The following PEX7 variants were observed in gnomAD, a reference collection of about 807,000 sequenced individuals.
PEX7 encodes peroxisomal biogenesis factor 7, also known as PTS2 receptor.
In PEX7, 34 loss-of-function variants were observed where a neutral mutation model predicts 47.5. The ratio of observed to expected loss-of-function variants is 0.72; its 90% CI spans 0.54 to 0.95. The LOEUF (loss-of-function observed/expected upper bound fraction) is 0.95, where lower values mean the gene tolerates loss of function less well. Ranked by LOEUF, PEX7 falls within the 40% of genes least tolerant of loss-of-function variation. The pLI is 0.00. For missense variants in PEX7, 394 were observed against 400.3 expected (o/e 0.98, Z 0.13); for synonymous variants, 141 against 148.8 (o/e 0.95, Z 0.38).
intron 8 of PEX7, among the ~76,000 whole-genome samples, chr6:136,883,430 A>G (rs1004909921): frequency 5.9e-5 from 9 of 152,136 alleles, no homozygotes; most frequent in Non-Finnish European, 8.8e-5. Context: ...TGTCATGCTG[A>G]ACCTTTTTCT....
chr6:136,868,927 C>T (rs943504714), intron 6 of PEX7, among the ~76,000 whole-genome samples: 5 of 151,984 alleles, frequency 3.3e-5, no homozygotes, highest in African/African-American at 4.8e-5. Flanking sequence ...GATTAGATAT[C>T]GTATTAAGAA....
intron 8 of PEX7, among the ~76,000 whole-genome samples, chr6:136,885,353 A>G (rs1417083734): frequency 1.3e-5 from 2 of 152,226 alleles, no homozygotes; most frequent in Non-Finnish European, 1.5e-5. Context: ...GGCCTTTGAT[A>G]ATAATAAGCC....
chr6:136,874,258 T>G (rs1775229032), intron 8 of PEX7, among the ~76,000 whole-genome samples: 1 of 152,222 alleles, frequency 6.6e-6, no homozygotes, highest in Admixed American at 6.5e-5. Flanking sequence ...TTTTGTGGAG[T>G]ACTTTCTTGA....
Position 136,900,516 on chromosome 6 carries a change from A to G in PEX7, c.903+2275A>G. The stretch of plus-strand genomic sequence containing the variant: ...GTCTGTCATTGTAATTGGTCCTGAT[A>G]GCTTCCACCATCTTAGCCAAAGCCC... On this transcript the variant is annotated intron_variant, in intron 9 of 9. Transcript: ENST00000318471. This position sits in a 1 kb window ranked among gnomAD's most constrained non-coding sequence, Gnocchi z 4.2. The G allele has an allele frequency of 2.1e-6, 1 of 475,992 alleles. No individual in the cohort carries two copies. The highest frequency in any genetic ancestry group is 6.0e-5 in the East Asian group (1 of 16,590). The allele number at this position is 475,992 out of a possible 1,614,324, so 29.5% of individuals were successfully genotyped here. A position where few individuals can be genotyped will look rare whatever the true frequency, so the allele number is the denominator to read the frequency against.
At chr6:136,887,242 T>C (rs1024047321) in intron 8 of PEX7, among the ~76,000 whole-genome samples, 60 of 152,228 alleles carry the variant, frequency 3.9e-4, no homozygotes, top group African/African-American at 1.3e-3. Context: ...ACTAGCTATA[T>C]TATAATTTAA....
chr6:136,845,801 T>G (rs1316037704), intron 4 of PEX7, 109 bp downstream of exon 4: 5 of 777,748 alleles, frequency 6.4e-6, no homozygotes, highest in Non-Finnish European at 4.5e-6. Context: ...ATTCGACAGC[T>G]GAGCTTTCTT....
chr6:136,851,031 G>T, intron 5 of PEX7, among the ~76,000 whole-genome samples: 1 of 94,988 alleles, frequency 1.1e-5, no homozygotes, highest in Admixed American at 1.2e-4. Context: ...CTAAGTTTTA[G>T]GGTACATGTG....
At position 136,822,714 on chromosome 6, in the gene PEX7, C is replaced by A. The variant is rs1774098971; in HGVS notation, c.49C>A (p.Arg17Ser). The A allele has an allele frequency of 6.6e-7, 1 of 1,516,296 alleles. No homozygotes were observed. The allele number at this position is 1,516,296 out of a possible 1,614,324, so 93.9% of individuals were successfully genotyped here. A position where few individuals can be genotyped will look rare whatever the true frequency, so the allele number is the denominator to read the frequency against. Residue 17 changes from arginine (R) to serine (S), a missense_variant, in exon 1 of 10, where the codon CGC (arginine) becomes AGC (serine). Coordinates refer to ENST00000318471, the MANE Select transcript of PEX7 (RefSeq NM_000288.4). ...GGCGCGGATGCTGCGGACGCCGGGA[C>A]GCCACGGCTACGCCGCCGAGTTCTC... The part of the protein sequence containing the change: ...GAARMLRTPG[R>S]HGYAAEFSPY...
chr6:136,822,953 T>G (rs1394916835), intron 1 of PEX7, 158 bp downstream of exon 1: 1 of 985,378 alleles, frequency 1.0e-6, no homozygotes, highest in Non-Finnish European at 1.2e-6. Flanking sequence ...GCGCTTCTCC[T>G]TTCTTTGCCG....
At chr6:136,834,423 C>T (rs1223097582) in intron 3 of PEX7, among the ~76,000 whole-genome samples, 1 of 152,162 alleles carries the variant, frequency 6.6e-6, no homozygotes, top group Admixed American at 6.5e-5. Flanking sequence ...CTCCATGTTG[C>T]CCAGGCTGGT....
chr6:136,830,160 G>C (rs12111383), intron 3 of PEX7: 2 of 641,314 alleles, frequency 3.1e-6, no homozygotes, highest in East Asian at 5.5e-5. Context: ...GAGACCTTGC[G>C]TATGTCACAT....
At chr6:136,912,495 TTTAA>T (rs1775949050) in intron 9 of PEX7, among the ~76,000 whole-genome samples, 2 of 152,218 alleles carry the variant, frequency 1.3e-5, no homozygotes, top group South Asian at 2.1e-4. Context: ...CCTTTTGCTC[TTTAA>T]TTGTTTTGGT....
At chr6:136,910,514 C>G (rs534286018) in intron 9 of PEX7, among the ~76,000 whole-genome samples, 1 of 152,004 alleles carries the variant, frequency 6.6e-6, no homozygotes, top group Non-Finnish European at 1.5e-5. Context: ...GGTGTGAGCC[C>G]GGTGCAATGA....
intron 5 of PEX7, among the ~76,000 whole-genome samples, chr6:136,863,419 CA>C (rs1266710682): frequency 4.6e-5 from 7 of 150,650 alleles, no homozygotes; most frequent in Admixed American, 1.3e-4. Flanking sequence ...ATTTTTAAAT[CA>C]AAAAAGGAAA....
intron 3 of PEX7, 126 bp downstream of exon 3, chr6:136,826,595 A>T (rs552833819): frequency 1.9e-6 from 2 of 1,047,596 alleles, no homozygotes; most frequent in East Asian, 2.6e-5. Context: ...TTTCTTATAC[A>T]TACTAGATGT....
intron 5 of PEX7, among the ~76,000 whole-genome samples, chr6:136,850,596 A>G (rs887813152): frequency 6.6e-6 from 1 of 152,206 alleles, no homozygotes; most frequent in African/African-American, 2.4e-5. Context: ...CTCCTAAAGA[A>G]TAATTCCTAG....
intron 3 of PEX7, among the ~76,000 whole-genome samples, chr6:136,837,361 C>CAGAAAAAAAAAAAAA (rs1774407939): frequency 2.4e-5 from 2 of 83,452 alleles, no homozygotes; most frequent in Non-Finnish European, 4.5e-5. Context: ...GAGTCTGTCA[C>CAGAAAAAAAAAAAAA]AAAAAAAAAA....
rs2115131935 is a variant in PEX7, at chr6:136,826,379, C to CA, written c.250dup (p.Ile84AsnfsTer4). 1.2e-6 allele frequency: 2 copies of CA among 1,613,970 alleles called. No individual in the cohort carries two copies. The highest frequency in any genetic ancestry group is 4.5e-5 in the East Asian group (2 of 44,876). On this transcript the variant is annotated frameshift_variant, in exon 3 of 10. Transcript: ENST00000318471. LOFTEE classifies it high-confidence loss of function. ...GGAGTGAGAACAACGAACATGTCCTCATCACCTGTAGTGGCGATGGCTCGC... is the reference window on the plus strand; with the variant it reads ...GGAGTGAGAACAACGAACATGTCCTCAATCACCTGTAGTGGCGATGGCTCGC...
intron 5 of PEX7, among the ~76,000 whole-genome samples, chr6:136,849,190 T>C (rs1017218126): frequency 1.3e-5 from 2 of 152,220 alleles, no homozygotes; most frequent in Non-Finnish European, 1.5e-5. Context: ...GTGGGATTGG[T>C]GGTGATATCC....
Sources: gnomAD v4.1 joint callset for allele counts (sites outside exome capture counted in the v4.1 genomes callset) on GRCh38, gnomAD v4.1.1 for gene constraint, Gnocchi (gnomAD v3.1) non-coding constraint, MANE v1.5 for transcripts, NCBI Gene and HGNC (gene_info 2026-07-23, HGNC 2026-07-21) for gene names.